Variants in PCDHA2 observed in about 807,000 individuals in gnomAD.
PCDHA2 encodes protocadherin alpha-2.
In PCDHA2, 58 loss-of-function variants were observed where a neutral mutation model predicts 66.0. The observed-to-expected ratio is 0.88, with a 90% confidence interval of 0.71 to 1.09. The LOEUF is 1.09. Ranked by LOEUF, PCDHA2 falls within the 50% of genes least tolerant of loss-of-function variation. The probability of loss-of-function intolerance (pLI) is 0.00; values close to 1 mark genes in which losing one functional copy is unlikely to be tolerated. For synonymous variants in PCDHA2, 634 were observed against 554.0 expected, an observed-to-expected ratio of 1.14 and a Z score of -2.03; for missense variants, 1,267 against 1,242.3, an observed-to-expected ratio of 1.02 and a Z score of -0.30.
Position 140,974,863 on chromosome 5 carries a change from G to A in PCDHA2, c.2389-4086G>A, listed in dbSNP as rs559374442. On this transcript the variant is annotated intron_variant, in intron 1 of 3. Coordinates refer to ENST00000526136, the MANE Select transcript of PCDHA2 (RefSeq NM_018905.3). ...ATGTTATATTCCCTTTTGCCTTAAT[G>A]CGGAACAGTCTATGTATCCCTTTTC... Among the ~76,000 whole-genome samples, 14 of 152,198 alleles carry A rather than the reference G, an allele frequency of 9.2e-5. No homozygotes were observed. The South Asian group carries it at 2.9e-3, about 32-fold the overall frequency.
At chr5:141,001,384 A>G (rs1554258149) in intron 3 of PCDHA2, among the ~76,000 whole-genome samples, 1 of 152,204 alleles carries the variant, frequency 6.6e-6, no homozygotes, top group African/African-American at 2.4e-5. Context: ...AGAGCCTAAG[A>G]TCCTACAGAG....
At chr5:140,817,026 G>A (rs2126677043) in intron 1 of PCDHA2, 9 of 152,288 alleles carry the variant, frequency 5.9e-5, no homozygotes, top group African/African-American at 2.2e-4. Context: ...TCATGAGAGA[G>A]AGAGTGCTGA....
chr5:140,829,097 G>A, intron 1 of PCDHA2: 7 of 1,611,762 alleles, frequency 4.3e-6, no homozygotes, highest in Non-Finnish European at 5.9e-6. Context: ...TCATTGCACC[G>A]TTTTAGTGAG....
At chr5:140,854,493 T>C (rs990142871) in intron 1 of PCDHA2, 1 of 149,954 alleles carries the variant, frequency 6.7e-6, no homozygotes, top group African/African-American at 2.4e-5. Flanking sequence ...CAGAATTTAG[T>C]AGGACACATA....
chr5:140,848,221 A>T, intron 1 of PCDHA2: 1 of 378,712 alleles, frequency 2.6e-6, no homozygotes, highest in Non-Finnish European at 4.7e-6. Context: ...AGAAAAAATT[A>T]AGAAAATGAA....
At chr5:140,864,340 A>ACAT (rs1554158797) in intron 1 of PCDHA2, 2 of 152,232 alleles carry the variant, frequency 1.3e-5, no homozygotes, top group African/African-American at 4.8e-5. Flanking sequence ...TTGAGTTTAA[A>ACAT]ACATGTTTAA....
intron 1 of PCDHA2, chr5:140,835,997 C>A: frequency 6.2e-7 from 1 of 1,613,306 alleles, no homozygotes; most frequent in Non-Finnish European, 8.5e-7. Context: ...TGAGCGCGCG[C>A]GATGCGGGCG....
intron 1 of PCDHA2, chr5:140,875,613 C>G (rs2055652849): frequency 8.1e-6 from 13 of 1,613,708 alleles, no homozygotes; most frequent in Non-Finnish European, 1.1e-5. Flanking sequence ...TCGTGGGCCG[C>G]ATCGCTCAGG....
intron 1 of PCDHA2, chr5:140,851,860 A>T (rs1213709274): frequency 2.1e-6 from 2 of 974,300 alleles, no homozygotes; most frequent in African/African-American, 3.5e-5. Context: ...CTCAGCTCAT[A>T]CATAACACAA....
chr5:140,843,622 G>T, intron 1 of PCDHA2: 2 of 1,596,026 alleles, frequency 1.3e-6, no homozygotes, highest in Non-Finnish European at 1.7e-6. Flanking sequence ...CACCGAAGAC[G>T]GACCTCATGG....
rs1280903830 is a variant in PCDHA2, at chr5:140,927,541, G to T, written c.2389-51408G>T. 4 of 1,613,996 alleles carry T rather than the reference G, an allele frequency of 2.5e-6. No homozygotes were observed. The East Asian group carries it at 6.7e-5, about 27-fold the overall frequency. On this transcript the variant is annotated intron_variant, in intron 1 of 3. Coordinates refer to ENST00000526136, the MANE Select transcript of PCDHA2 (RefSeq NM_018905.3). ...CGGGCTACCTGCCCGCTCAGGAGAC[G>T]CACAAGTCACCATCATTGTGGTGGA...
At chr5:140,889,331 T>A (rs2153427061) in intron 1 of PCDHA2, among the ~76,000 whole-genome samples, 1 of 152,216 alleles carries the variant, frequency 6.6e-6, no homozygotes, top group Middle Eastern at 3.4e-3. Flanking sequence ...ATCAGGATTT[T>A]GATTGGTGGG....
intron 1 of PCDHA2, chr5:140,868,839 C>T (rs1442886604): frequency 4.6e-6 from 2 of 432,190 alleles, no homozygotes; most frequent in East Asian, 3.8e-5. Flanking sequence ...ACCCAAAACA[C>T]GTGAAATTCT....
Position 141,009,767 on chromosome 5 carries a change from G to T in PCDHA2, c.2677G>T (p.Ala893Ser). ...PDKFIIPGSP[A>S]IISIRQEPTN... is the part of the protein sequence containing the mutation. Reference sequence around the variant, plus strand: ...CAAATTCATTATCCCAGGATCTCCTGCAATCATCTCCATCCGGCAGGAGCC... The same window carrying T: ...CAAATTCATTATCCCAGGATCTCCTTCAATCATCTCCATCCGGCAGGAGCC... The change falls in exon 4 of 4, where the codon GCA becomes TCA. Residue 893 changes from alanine to serine, a missense_variant. Coordinates refer to ENST00000526136, the MANE Select transcript of PCDHA2 (RefSeq NM_018905.3). 1 of 1,614,108 alleles carries T rather than the reference G, an allele frequency of 6.2e-7. No individual in the cohort carries two copies. Among genetic ancestry groups the T allele is most frequent in the South Asian group, 1.1e-5 (1 of 91,072 alleles).
At chr5:140,853,678 A>G (rs2042828793) in intron 1 of PCDHA2, 4 of 988,418 alleles carry the variant, frequency 4.0e-6, no homozygotes, top group Non-Finnish European at 3.7e-6. Flanking sequence ...CCTATGGTCA[A>G]CCTATCCTTA....
intron 1 of PCDHA2, chr5:140,805,272 T>C (rs2149983675): frequency 7.8e-7 from 1 of 1,287,730 alleles, no homozygotes; most frequent in Non-Finnish European, 9.8e-7. Flanking sequence ...AATGAAAATA[T>C]TACAAATGAA....
chr5:140,845,180 T>C (rs1554140853), intron 1 of PCDHA2, among the ~76,000 whole-genome samples: 1 of 149,340 alleles, frequency 6.7e-6, no homozygotes, highest in Admixed American at 6.7e-5. Context: ...TTTTAGTCCT[T>C]TAAAAAATAT....
chr5:140,984,656 G>A (rs1465387950), intron 3 of PCDHA2, among the ~76,000 whole-genome samples: 2 of 152,082 alleles, frequency 1.3e-5, no homozygotes, highest in Non-Finnish European at 2.9e-5. Context: ...TGTCCTTCTG[G>A]TACTTTTAGG....
chr5:140,969,123 C>G, intron 1 of PCDHA2: 1 of 1,614,172 alleles, frequency 6.2e-7, no homozygotes, highest in Non-Finnish European at 8.5e-7. Flanking sequence ...GGGAATGGCT[C>G]CCTCACCAAG....
Sources: allele counts gnomAD v4.1 joint callset (sites outside exome capture counted in the v4.1 genomes callset), GRCh38; gene constraint gnomAD v4.1.1; transcripts MANE v1.5; gene names NCBI Gene and HGNC (gene_info 2026-07-23, HGNC 2026-07-21).